The following GASK1A variants were observed in gnomAD, a reference collection of about 807,000 sequenced individuals.
GASK1A encodes the protein Golgi-associated kinase 1A.
A neutral mutation model predicts 41.2 loss-of-function variants in GASK1A; 40 were observed. The ratio of observed to expected loss-of-function variants is 0.97; its 90% CI spans 0.75 to 1.27. The LOEUF (loss-of-function observed/expected upper bound fraction) is 1.27. Among genes scored for constraint, GASK1A ranks in the 50% most tolerant of loss-of-function variants. The pLI, the probability that GASK1A is intolerant of heterozygous loss-of-function variation, is 0.00. For synonymous variants in GASK1A, 316 were observed against 307.1 expected (o/e 1.03, Z -0.30); for missense variants, 678 against 745.1 (o/e 0.91, Z 1.05).
intron 3 of GASK1A, 64 bp from the exon 4 acceptor site, chr3:43,055,368 C>A: frequency 8.3e-7 from 1 of 1,203,596 alleles, no homozygotes; most frequent in Non-Finnish European, 1.2e-6. Context: ...TTGACCAAGT[C>A]CATAGGTGCC....
intron 1 of GASK1A, among the ~76,000 whole-genome samples, chr3:43,004,632 T>C (rs2089425888): frequency 2.0e-5 from 3 of 152,168 alleles, no homozygotes; most frequent in Non-Finnish European, 4.4e-5. Context: ...TTCACTCCCC[T>C]CTATGGAAGA....
intron 1 of GASK1A, among the ~76,000 whole-genome samples, chr3:42,996,561 A>G (rs2089370513): frequency 6.6e-6 from 1 of 152,206 alleles, no homozygotes; most frequent in African/African-American, 2.4e-5. Flanking sequence ...CATTGTACAG[A>G]TGAGGAAATC....
chr3:43,048,660 C>T (rs2125691586), intron 2 of GASK1A, among the ~76,000 whole-genome samples: 1 of 152,288 alleles, frequency 6.6e-6, no homozygotes, highest in East Asian at 1.9e-4. Flanking sequence ...TACTTGTACA[C>T]TAACTGCCAT....
intron 3 of GASK1A, 136 bp from the exon 4 acceptor site, chr3:43,055,296 T>G (rs1266981570): frequency 6.4e-6 from 4 of 625,028 alleles, no homozygotes; most frequent in Non-Finnish European, 8.6e-6. Flanking sequence ...CACTCAGCGG[T>G]GAGGACTGTT....
At chr3:43,050,551 A>G (rs2089684166) in intron 2 of GASK1A, among the ~76,000 whole-genome samples, 1 of 141,686 alleles carries the variant, frequency 7.1e-6, no homozygotes, top group South Asian at 2.2e-4. Context: ...GTGTAGATCA[A>G]TGCTTTTCAC....
At position 43,056,308 on chromosome 3, in the gene GASK1A, C is replaced by A; in HGVS notation, c.1650C>A (p.Thr550=). 1 of 1,551,578 alleles carries A rather than the reference C, an allele frequency of 6.4e-7. No individual in the cohort carries two copies. Among genetic ancestry groups the A allele is most frequent in the Non-Finnish European group, 8.7e-7 (1 of 1,146,984 alleles). ...AGGGGCTGAAGCAGGTCCTCCAGAC[C>A]CTGGAGCAGCGAGGACAGGTGCTGC... ...GAQGLKQVLQ[T]LEQRGQVLLG... is the part of the protein sequence containing the mutation. The change falls in exon 5 of 5, where the codon ACC becomes ACA. Residue 550 remains threonine (T), a synonymous_variant. Transcript: ENST00000430121.
chr3:42,993,429 G>A (rs185725192), intron 1 of GASK1A, among the ~76,000 whole-genome samples: 9 of 152,340 alleles, frequency 5.9e-5, no homozygotes, highest in Admixed American at 5.2e-4. Flanking sequence ...GGTTTTTAAT[G>A]TGTTAATAAA....
intron 2 of GASK1A, among the ~76,000 whole-genome samples, chr3:43,043,363 G>A (rs1460023000): frequency 6.6e-6 from 1 of 152,196 alleles, no homozygotes; most frequent in Admixed American, 6.5e-5. Flanking sequence ...GCTGGACCTG[G>A]TATCCCTTCT....
rs190344790 is a variant in GASK1A at position 43,011,416 on chromosome 3, A to C, written c.4-20851A>C. 4.7e-3 allele frequency among the ~76,000 whole-genome samples: 716 copies of C among 151,792 alleles called. 4 individuals carry two copies. Among genetic ancestry groups the C allele is most frequent in the Admixed American group, 8.5e-3 (129 of 15,250 alleles). On this transcript the variant is annotated intron_variant, in intron 1 of 4. Transcript: ENST00000430121. ...AAAAAAAAAATGGTTAGGAGATCACAAGAGATTTTTATTGCAAATAGGAAC... is the reference window on the plus strand; with the variant it reads ...AAAAAAAAAATGGTTAGGAGATCACCAGAGATTTTTATTGCAAATAGGAAC...
chr3:42,991,989 C>T (rs2089343677), intron 1 of GASK1A, among the ~76,000 whole-genome samples: 1 of 151,102 alleles, frequency 6.6e-6, no homozygotes, highest in African/African-American at 2.4e-5. Flanking sequence ...CATTCTGGCC[C>T]CCCACCCCCA....
rs182919821 is a variant in GASK1A, at chr3:42,989,202, C to T, written c.3+9557C>T. 7.2e-5 allele frequency among the ~76,000 whole-genome samples: 11 copies of T among 151,992 alleles called. No homozygotes were observed. In the East Asian group the frequency reaches 9.7e-4, roughly 13 times the overall value. On this transcript the variant is annotated intron_variant, in intron 1 of 4. Transcript: ENST00000430121. ...GGCCAGGTGGAAGGAAAGGGGGAAA[C>T]GTCGATAGGGGGAGAGGGTTGCAGG...
Position 43,032,794 on chromosome 3 carries a change from T to A in GASK1A, c.531T>A (p.Ser177Arg), listed in dbSNP as rs2125686681. The change falls in exon 2 of 5, where the codon AGT becomes AGA. Residue 177 changes from serine to arginine, a missense_variant. Coordinates refer to ENST00000430121, the MANE Select transcript of GASK1A (RefSeq NM_001129908.3). ...CCCTGGTCAGTCCACTCCCAGGGAG[T>A]GACATGGCAGCTTTACCGGCTTGGA... is the stretch of plus-strand genomic sequence containing the variant. ...VVTLVSPLPG[S>R]DMAALPAWRA... 6.5e-7 allele frequency: 1 copy of A among 1,550,352 alleles called. No homozygotes were observed. The highest frequency in any genetic ancestry group is 8.7e-7 in the Non-Finnish European group (1 of 1,146,912).
At position 43,032,277 on chromosome 3, in the gene GASK1A, T is replaced by C; in HGVS notation, c.14T>C (p.Leu5Pro). 6.6e-7 allele frequency: 1 copy of C among 1,522,350 alleles called. No homozygotes were observed. Among genetic ancestry groups the C allele is most frequent in the Non-Finnish European group, 8.9e-7 (1 of 1,125,662 alleles). 94.3% of individuals were successfully genotyped at this position (1,522,350 alleles called of 1,614,324 possible). The change falls in exon 2 of 5, where the codon CTC becomes CCC. Residue 5 changes from leucine to proline, a missense_variant. Physicochemically the swap from Leu to Pro is moderately conservative, Grantham distance 98. Coordinates refer to ENST00000430121, the MANE Select transcript of GASK1A (RefSeq NM_001129908.3). Reference protein sequence around the residue: MASWLRRKLRGKRRP... With the variant: MASWPRRKLRGKRRP... ...TACCCTGTCTCTCAGGCGTCTTGGCTCCGGAGAAAGCTGCGTGGCAAGAGG... is the reference window on the plus strand; with the variant it reads ...TACCCTGTCTCTCAGGCGTCTTGGCCCCGGAGAAAGCTGCGTGGCAAGAGG...
At chr3:43,003,656 A>G (rs910136711) in intron 1 of GASK1A, among the ~76,000 whole-genome samples, 9 of 152,204 alleles carry the variant, frequency 5.9e-5, no homozygotes, top group Non-Finnish European at 1.2e-4. Context: ...TTCAGTGGGT[A>G]TACTAGACAA....
intron 1 of GASK1A, among the ~76,000 whole-genome samples, chr3:43,029,833 C>T (rs762400709): frequency 3.9e-5 from 6 of 152,060 alleles, no homozygotes; most frequent in Non-Finnish European, 5.9e-5. Context: ...CTGATGTTTA[C>T]GGTGCTGAGA....
intron 1 of GASK1A, among the ~76,000 whole-genome samples, chr3:43,018,895 G>T (rs1335394291): frequency 2.0e-5 from 3 of 152,158 alleles, no homozygotes; most frequent in Non-Finnish European, 2.9e-5. Context: ...CTTCTTCCTG[G>T]GGTGGCACAG....
intron 1 of GASK1A, among the ~76,000 whole-genome samples, chr3:42,980,104 A>G (rs968836517): frequency 1.3e-5 from 2 of 152,216 alleles, no homozygotes; most frequent in Non-Finnish European, 2.9e-5. Context: ...CCTAACGTTT[A>G]TTAACATTTA....
chr3:43,013,816 G>A lies in GASK1A; in HGVS notation c.4-18451G>A, dbSNP rs567950345. Among the ~76,000 whole-genome samples the A allele has an allele frequency of 2.8e-4, 42 of 151,994 alleles. 2 individuals are homozygous for A. In the East Asian group the frequency reaches 8.1e-3, roughly 29 times the overall value. Reference sequence around the variant, plus strand: ...AAGTGGCTGTATGAACTCACACAAAGGGGCTAGGTGAGGTCAGAGGAAGTG... The same window carrying A: ...AAGTGGCTGTATGAACTCACACAAAAGGGCTAGGTGAGGTCAGAGGAAGTG... On this transcript the variant is annotated intron_variant, in intron 1 of 4. Coordinates refer to ENST00000430121, the MANE Select transcript of GASK1A (RefSeq NM_001129908.3).
At position 43,057,097 on chromosome 3, in the gene GASK1A, A is replaced by G. The variant is rs535213538; in HGVS notation, c.*711A>G. On this transcript the variant is annotated 3_prime_UTR_variant, in exon 5 of 5. Transcript: ENST00000430121. ...TGTGGTCATGCTTTGTCAACTCACT[A>G]TATTTTTACTTTATTAACTATATTC... 2.0e-5 allele frequency: 3 copies of G among 152,328 alleles called. No individual in the cohort carries two copies. Among genetic ancestry groups the G allele is most frequent in the East Asian group, 1.9e-4 (1 of 5,184 alleles). The allele number at this position is 152,328 out of a possible 1,614,324, so 9.4% of individuals were successfully genotyped here.
Sources: gnomAD v4.1 joint callset for allele counts (sites outside exome capture counted in the v4.1 genomes callset) on GRCh38, gnomAD v4.1.1 for gene constraint, MANE v1.5 for transcripts, NCBI Gene and HGNC (gene_info 2026-07-23, HGNC 2026-07-21) for gene names.